The following MTR variants were observed in gnomAD, a reference collection of about 807,000 sequenced individuals.
MTR encodes 5-methyltetrahydrofolate-homocysteine methyltransferase.
In MTR, 84 loss-of-function variants were observed where a neutral mutation model predicts 154.8. The observed-to-expected ratio is 0.54, with a 90% CI of 0.45 to 0.65. The LOEUF is 0.65. Ranked by LOEUF, MTR falls within the 30% of genes least tolerant of loss-of-function variation. The pLI is 0.00. For missense variants in MTR, 1,275 were observed against 1,570.2 expected (o/e 0.81, Z 3.18); for synonymous variants, 554 against 553.9 (o/e 1.00, Z 0.00).
At chr1:236,868,249 C>T (rs529105073) in intron 22 of MTR, among the ~76,000 whole-genome samples, 1 of 152,290 alleles carries the variant, frequency 6.6e-6, no homozygotes, top group South Asian at 2.1e-4. Context: ...GGTTACAACT[C>T]ACTGAAGACC....
intron 8 of MTR, among the ~76,000 whole-genome samples, chr1:236,819,291 A>G (rs1661781467): frequency 6.6e-6 from 1 of 152,154 alleles, no homozygotes; most frequent in Non-Finnish European, 1.5e-5. Context: ...CTGGCAACAA[A>G]TCTTCTCACT....
chr1:236,891,260 C>T lies in MTR; in HGVS notation c.3135C>T (p.His1045=), dbSNP rs775738419. The change falls in exon 29 of 33, where the codon CAC becomes CAT. Residue 1045 remains histidine, a synonymous_variant. Transcript: ENST00000366577. ...CACAGAGTATCCAAGACGACATTCACCTGTACGCAGAGGCTGCTGTGCCCC... is the reference window on the plus strand; with the variant it reads ...CACAGAGTATCCAAGACGACATTCATCTGTACGCAGAGGCTGCTGTGCCCC... ...WPAQSIQDDI[H]LYAEAAVPQA... The T allele has an allele frequency of 5.0e-5, 81 of 1,614,020 alleles. No homozygotes were observed. The highest frequency in any genetic ancestry group is 4.2e-4 in the Admixed American group (25 of 59,998).
At position 236,820,604 on chromosome 1, in the gene MTR, A is replaced by G. The variant is rs895629333; in HGVS notation, c.765-3515A>G. ...CAGTTTCTTAAAAAAAAAAAAAAAA[A>G]GTTTCCGTAAACATTCATGGCAGGT... On this transcript the variant is annotated intron_variant, in intron 8 of 32. Coordinates refer to ENST00000366577, the MANE Select transcript of MTR (RefSeq NM_000254.3). The G allele has an allele frequency of 2.7e-4, 150 of 554,722 alleles. 4 individuals are homozygous for G. In the African/African-American group the frequency reaches 2.7e-3, roughly 10 times the overall value. The allele number at this position is 554,722 out of a possible 1,614,324, so 34.4% of individuals were successfully genotyped here. A position where few individuals can be genotyped will look rare whatever the true frequency, so the allele number is the denominator to read the frequency against.
chr1:236,897,167 T>C, intron 32 of MTR, 49 bp downstream of exon 32: 1 of 1,314,152 alleles, frequency 7.6e-7, no homozygotes. Context: ...CAAATGAAAT[T>C]CTAGAACCTC....
At position 236,874,721 on chromosome 1, in the gene MTR, AAT is replaced by A; in HGVS notation, c.2474-3_2474-2del. 1.3e-6 allele frequency: 2 copies of A among 1,569,982 alleles called. No individual in the cohort carries two copies. Among genetic ancestry groups the A allele is most frequent in the Non-Finnish European group, 1.7e-6 (2 of 1,160,846 alleles). ...TCCTTTTTTTTTTAAAAAAAAAAAA[AAT>A]AGATATAATTGGCCTGTCAGGACTC... is the stretch of plus-strand genomic sequence containing the variant. On this transcript the variant is annotated splice_polypyrimidine_tract_variant and splice_region_variant and intron_variant, in intron 23 of 32. Coordinates refer to ENST00000366577, the MANE Select transcript of MTR (RefSeq NM_000254.3).
chr1:236,900,162 G>T lies in MTR; in HGVS notation c.*2518G>T, dbSNP rs143561569. ...AGTTAATAACTGGAAAAAGTGAAAT[G>T]TATGTCTGTCTACAGGAAAATAGGT... On this transcript the variant is annotated 3_prime_UTR_variant, in exon 33 of 33. Coordinates refer to ENST00000366577, the MANE Select transcript of MTR (RefSeq NM_000254.3). The T allele has an allele frequency of 1.1e-4, 43 of 408,116 alleles. No homozygotes were observed. Among genetic ancestry groups the T allele is most frequent in the African/African-American group, 8.2e-4 (40 of 48,682 alleles). The allele number at this position is 408,116 out of a possible 1,614,324, so 25.3% of individuals were successfully genotyped here.
At chr1:236,842,330 A>G (rs555715941) in intron 15 of MTR, among the ~76,000 whole-genome samples, 2 of 152,302 alleles carry the variant, frequency 1.3e-5, no homozygotes, top group South Asian at 4.1e-4. Context: ...TAGGCCTTTC[A>G]TTTGTGAAAC....
At chr1:236,854,496 G>A (rs774845001) in intron 18 of MTR, among the ~76,000 whole-genome samples, 2 of 152,160 alleles carry the variant, frequency 1.3e-5, no homozygotes, top group Non-Finnish European at 2.9e-5. Flanking sequence ...AGACATGGGC[G>A]TTAAACACTA....
At chr1:236,874,914 G>C in intron 24 of MTR, 68 bp downstream of exon 24, 1 of 1,544,248 alleles carries the variant, frequency 6.5e-7, no homozygotes, top group Non-Finnish European at 8.9e-7. Flanking sequence ...GAAACAGTGG[G>C]AAACCTGTGT....
rs1473709620 is a variant in MTR at position 236,903,263 on chromosome 1, A to G, written c.*5619A>G. On this transcript the variant is annotated 3_prime_UTR_variant, in exon 33 of 33. Coordinates refer to ENST00000366577, the MANE Select transcript of MTR (RefSeq NM_000254.3). ...TTCTCGTTCTTTCTGCACTGTTTCA[A>G]ATTTTTACAAGTGTATGTTATTGTA... is the stretch of plus-strand genomic sequence containing the variant. 1.3e-5 allele frequency: 2 copies of G among 152,248 alleles called. No individual in the cohort carries two copies. The highest frequency in any genetic ancestry group is 1.9e-4 in the East Asian group (1 of 5,200). The allele number at this position is 152,248 out of a possible 1,614,324, so 9.4% of individuals were successfully genotyped here.
At chr1:236,891,404 T>C in intron 29 of MTR, 75 bp downstream of exon 29, 1 of 1,423,470 alleles carries the variant, frequency 7.0e-7, no homozygotes, top group Non-Finnish European at 9.9e-7. Context: ...GAGCTTTGCA[T>C]AAATGAGGGT....
intron 1 of MTR, chr1:236,800,095 A>G (rs977739778): frequency 5.1e-6 from 5 of 985,258 alleles, no homozygotes; most frequent in Non-Finnish European, 6.0e-6. Flanking sequence ...CCCCATGGAA[A>G]AGTACTAAGA....
chr1:236,849,191 A>G (rs941913565), intron 15 of MTR, among the ~76,000 whole-genome samples: 3 of 152,210 alleles, frequency 2.0e-5, no homozygotes, highest in Non-Finnish European at 4.4e-5. Flanking sequence ...TTTCCATGAC[A>G]AAGTTCAGAA....
chr1:236,812,935 A>C, intron 6 of MTR, 91 bp downstream of exon 6: 1 of 973,274 alleles, frequency 1.0e-6, no homozygotes, highest in South Asian at 1.3e-5. Context: ...AGCCATTATC[A>C]AAGTTAAATA....
chr1:236,850,517 C>G lies in MTR; in HGVS notation c.1689C>G (p.Val563=). 6.2e-7 allele frequency: 1 copy of G among 1,613,496 alleles called. No homozygotes were observed. Among genetic ancestry groups the G allele is most frequent in the Non-Finnish European group, 8.5e-7 (1 of 1,179,636 alleles). The change falls in exon 16 of 33, where the codon GTC becomes GTG. Residue 563 remains valine, a synonymous_variant. Transcript: ENST00000366577. ...YAINFIHATK[V]IKETLPGARI... ...TTAATTTTATCCATGCAACAAAAGT[C>G]ATTAAAGTAAGTGTAGGCATGTTCT... is the stretch of plus-strand genomic sequence containing the variant.
At chr1:236,880,697 G>A in intron 24 of MTR, 58 bp from the exon 25 acceptor site, 1 of 1,354,480 alleles carries the variant, frequency 7.4e-7, no homozygotes, top group Non-Finnish European at 1.1e-6. Flanking sequence ...CTGAACAAGA[G>A]TTGTATAGGA....
chr1:236,896,856 C>G (rs1477224241), intron 31 of MTR, 150 bp from the exon 32 acceptor site: 20 of 755,156 alleles, frequency 2.6e-5, no homozygotes, highest in Non-Finnish European at 4.4e-5. Flanking sequence ...TCTCTGATCA[C>G]AGCTTTCATG....
chr1:236,889,064 G>C, intron 27 of MTR, 117 bp from the exon 28 acceptor site: 2 of 1,236,410 alleles, frequency 1.6e-6, no homozygotes, highest in South Asian at 2.4e-5. Flanking sequence ...CAACTCCTAC[G>C]GGTGACAGGA....
intron 30 of MTR, chr1:236,894,961 A>G (rs1334199216): frequency 5.7e-6 from 2 of 351,012 alleles, no homozygotes; most frequent in East Asian, 1.4e-4. Context: ...TCTGCATGGA[A>G]TGAGGGTAGT....
Sources: gnomAD v4.1 joint callset for allele counts (sites outside exome capture counted in the v4.1 genomes callset) on GRCh38, gnomAD v4.1.1 for gene constraint, MANE v1.5 for transcripts, NCBI Gene and HGNC (gene_info 2026-07-23, HGNC 2026-07-21) for gene names.